The following MCTP1 variants were observed in gnomAD, a reference collection of about 807,000 sequenced individuals.
MCTP1 encodes the protein multiple C2 and transmembrane domain-containing protein 1.
A neutral mutation model predicts 120.6 loss-of-function variants in MCTP1; 69 were observed. The observed-to-expected ratio is 0.57, with a 90% CI of 0.47 to 0.70. The LOEUF is 0.70. MCTP1 is among the 30% of genes least tolerant of loss of function. The pLI, the probability that MCTP1 is intolerant of heterozygous loss-of-function variation, is 0.00. For missense variants in MCTP1, 1,203 were observed against 1,248.8 expected, an observed-to-expected ratio of 0.96 and a Z score of 0.55; for synonymous variants, 529 against 493.1, an observed-to-expected ratio of 1.07 and a Z score of -0.96.
intron 1 of MCTP1, among the ~76,000 whole-genome samples, chr5:95,236,880 C>T (rs1252518322): frequency 6.6e-6 from 1 of 152,220 alleles, no homozygotes; most frequent in Non-Finnish European, 1.5e-5. Context: ...TCCTTGAAGA[C>T]TCTGTTGAGC....
At chr5:94,707,861 T>C (rs1192625166) in intron 22 of MCTP1, among the ~76,000 whole-genome samples, 1 of 151,900 alleles carries the variant, frequency 6.6e-6, no homozygotes. Context: ...GGCTCGATAA[T>C]GGTTTTTTAC....
chr5:95,197,039 T>C (rs1230173403), intron 1 of MCTP1, among the ~76,000 whole-genome samples: 1 of 152,194 alleles, frequency 6.6e-6, no homozygotes, highest in African/African-American at 2.4e-5. Context: ...TTTAGTACTC[T>C]AGTTAATTGG....
intron 17 of MCTP1, among the ~76,000 whole-genome samples, chr5:94,827,071 C>T (rs1409283374): frequency 6.6e-6 from 1 of 151,962 alleles, no homozygotes; most frequent in African/African-American, 2.4e-5. Context: ...TGTCAATGGG[C>T]TTTACATTTT....
In MCTP1 at chr5:94,940,064, T is replaced by C. The variant is rs1817196436; in HGVS notation, c.1173+20A>G. 7.0e-7 allele frequency: 1 copy of C among 1,418,602 alleles called. No homozygotes were observed. Among genetic ancestry groups the C allele is most frequent in the Non-Finnish European group, 9.9e-7 (1 of 1,012,578 alleles). The allele number at this position is 1,418,602 out of a possible 1,614,324, so 87.9% of individuals were successfully genotyped here. A position where few individuals can be genotyped will look rare whatever the true frequency, so the allele number is the denominator to read the frequency against. ...CTTTCAAACAAGAAAGAGCTCCTACTAGGCTGTGGGGGAACTTACCACATC... is the reference window on the plus strand; with the variant it reads ...CTTTCAAACAAGAAAGAGCTCCTACCAGGCTGTGGGGGAACTTACCACATC... On this transcript the variant is annotated intron_variant, in intron 5 of 22. Coordinates refer to ENST00000515393, the MANE Select transcript of MCTP1 (RefSeq NM_024717.7).
intron 18 of MCTP1, chr5:94,789,601 G>C (rs1778463045): frequency 6.6e-6 from 1 of 152,198 alleles, no homozygotes; most frequent in East Asian, 1.9e-4. Context: ...AGTGGCCACA[G>C]GTAGATATTT....
chr5:94,832,354 G>T (rs1465029340), intron 17 of MCTP1, among the ~76,000 whole-genome samples: 1 of 152,120 alleles, frequency 6.6e-6, no homozygotes, highest in Non-Finnish European at 1.5e-5. Flanking sequence ...TGTAAGAAAA[G>T]AAAGTTCCCA....
rs146566523 is a variant in MCTP1 at position 94,770,753 on chromosome 5, G to A, written c.2610+8357C>T. ...TGTTTCCAATGACTTTAACATAGAGGCATGAGTATGTAATTATTTTTTTAA... is the reference window on the plus strand; with the variant it reads ...TGTTTCCAATGACTTTAACATAGAGACATGAGTATGTAATTATTTTTTTAA... On this transcript the variant is annotated intron_variant, in intron 19 of 22. Transcript: ENST00000515393. 1.4e-4 allele frequency among the ~76,000 whole-genome samples: 22 copies of A among 152,282 alleles called. No homozygotes were observed. In the East Asian group the frequency reaches 4.2e-3, roughly 29 times the overall value.
chr5:94,951,774 T>C (rs1820648755), intron 3 of MCTP1, among the ~76,000 whole-genome samples: 1 of 152,236 alleles, frequency 6.6e-6, no homozygotes. Flanking sequence ...GAAAAATCTC[T>C]GACCACAAAG....
chr5:95,040,424 G>T (rs1294425008), intron 1 of MCTP1, among the ~76,000 whole-genome samples: 1 of 149,156 alleles, frequency 6.7e-6, no homozygotes, highest in Non-Finnish European at 1.5e-5. Context: ...TGGCGACATA[G>T]TATGTATGAC....
rs1757237680 is a variant in MCTP1, at chr5:95,108,321, A to G, written c.721-90837T>C. 3.3e-5 allele frequency among the ~76,000 whole-genome samples: 5 copies of G among 151,910 alleles called. No homozygotes were observed. The South Asian group carries it at 1.0e-3, about 31-fold the overall frequency. ...TGAGGAGGACCAGATGGAAACCAAG[A>G]ACATTTGCTGTGTCAGGGCAGCTCC... On this transcript the variant is annotated intron_variant, in intron 1 of 22. Coordinates refer to ENST00000515393, the MANE Select transcript of MCTP1 (RefSeq NM_024717.7).
intron 1 of MCTP1, among the ~76,000 whole-genome samples, chr5:95,279,054 T>C (rs1156865610): frequency 1.3e-5 from 2 of 152,068 alleles, no homozygotes; most frequent in African/African-American, 2.4e-5. Context: ...AAAAAATATA[T>C]ATAACCTAAC....
intron 19 of MCTP1, among the ~76,000 whole-genome samples, chr5:94,728,644 CAT>C (rs1208544465): frequency 1.3e-5 from 2 of 152,154 alleles, no homozygotes; most frequent in African/African-American, 2.4e-5. Flanking sequence ...AGAATGAAAT[CAT>C]GTGTGTAAAG....
In MCTP1 at chr5:94,785,367, T is replaced by C. The variant is rs146775216; in HGVS notation, c.2557-6204A>G. On this transcript the variant is annotated intron_variant, in intron 18 of 22. Coordinates refer to ENST00000515393, the MANE Select transcript of MCTP1 (RefSeq NM_024717.7). ...ACTTGCAGGAAAATTCTAATCTTGG[T>C]GTCTTTAGGATATTGCATATTAATT... 9.3e-3 allele frequency among the ~76,000 whole-genome samples: 1,420 copies of C among 152,212 alleles called. 11 individuals are homozygous for C. Among genetic ancestry groups the C allele is most frequent in the South Asian group, 0.025 (123 of 4,826 alleles).
At chr5:94,937,944 G>A (rs1816617702) in intron 5 of MCTP1, among the ~76,000 whole-genome samples, 1 of 151,952 alleles carries the variant, frequency 6.6e-6, no homozygotes, top group Non-Finnish European at 1.5e-5. Flanking sequence ...ATGAAGTGCT[G>A]TCCTTCATTA....
intron 1 of MCTP1, among the ~76,000 whole-genome samples, chr5:95,195,997 C>T (rs919061250): frequency 9.2e-5 from 14 of 152,032 alleles, no homozygotes; most frequent in African/African-American, 1.9e-4. Flanking sequence ...TGTGGTCCCC[C>T]GCCTTTCTAA....
chr5:95,147,223 A>T (rs961205915), intron 1 of MCTP1, among the ~76,000 whole-genome samples: 1 of 151,946 alleles, frequency 6.6e-6, no homozygotes, highest in East Asian at 1.9e-4. Flanking sequence ...AGCAGCTGGG[A>T]CTACAGGTGC....
chr5:94,780,610 T>C (rs755096384), intron 18 of MCTP1, among the ~76,000 whole-genome samples: 1 of 152,168 alleles, frequency 6.6e-6, no homozygotes, highest in Non-Finnish European at 1.5e-5. Context: ...ATATGCAGTT[T>C]TGCATATCTG....
At chr5:95,234,259 T>C (rs1442828613) in intron 1 of MCTP1, among the ~76,000 whole-genome samples, 1 of 152,192 alleles carries the variant, frequency 6.6e-6, no homozygotes, top group African/African-American at 2.4e-5. Flanking sequence ...CACAGAGCCA[T>C]AGAGATATTT....
chr5:95,109,020 G>A (rs1757279704), intron 1 of MCTP1, among the ~76,000 whole-genome samples: 1 of 152,130 alleles, frequency 6.6e-6, no homozygotes, highest in Admixed American at 6.5e-5. Context: ...ACTGATAGAT[G>A]CCTGGCACAT....
Sources: allele counts gnomAD v4.1 joint callset (sites outside exome capture counted in the v4.1 genomes callset), GRCh38; gene constraint gnomAD v4.1.1; transcripts MANE v1.5; gene names NCBI Gene and HGNC (gene_info 2026-07-23, HGNC 2026-07-21).